Variants in SAMSN1 observed in about 807,000 individuals in gnomAD.
The protein encoded by SAMSN1 is SAM domain, SH3 domain and nuclear localization signals 1.
A neutral mutation model predicts 42.0 loss-of-function variants in SAMSN1; 31 were observed. The ratio of observed to expected loss-of-function variants is 0.74; its 90% CI spans 0.55 to 1.00. SAMSN1 has a LOEUF of 1.00. Among genes scored for constraint, SAMSN1 ranks in the 50% least tolerant of loss-of-function variants. The probability of loss-of-function intolerance (pLI) is 0.00; values close to 1 mark genes in which losing one functional copy is unlikely to be tolerated. For missense variants in SAMSN1, 464 were observed against 439.4 expected (o/e 1.06, Z -0.50); for synonymous variants, 178 against 151.9 (o/e 1.17, Z -1.26).
intron 1 of SAMSN1, among the ~76,000 whole-genome samples, chr21:14,534,299 C>A (rs575971361): frequency 6.6e-6 from 1 of 152,270 alleles, no homozygotes; most frequent in Non-Finnish European, 1.5e-5. Flanking sequence ...CACACGGAAT[C>A]TGAAAGTCAG....
At chr21:14,628,624 C>G (rs939525602) in intron 2 of SAMSN1, among the ~76,000 whole-genome samples, 6 of 152,034 alleles carry the variant, frequency 3.9e-5, no homozygotes, top group African/African-American at 1.4e-4. Flanking sequence ...TACCTGATTG[C>G]AAATGAATGG....
At chr21:14,567,962 CAG>C (rs2123212668) in intron 2 of SAMSN1, among the ~76,000 whole-genome samples, 1 of 152,126 alleles carries the variant, frequency 6.6e-6, no homozygotes, top group South Asian at 2.1e-4. Flanking sequence ...ACTGAAAAAT[CAG>C]AGAATAAAAA....
At chr21:14,547,292 T>G (rs1568803323), upstream of SAMSN1, among the ~76,000 whole-genome samples, 1 of 152,172 alleles carries the variant, frequency 6.6e-6, no homozygotes, top group Admixed American at 6.5e-5. Flanking sequence ...TACTGATAAT[T>G]GCTGCCCTGG....
At chr21:14,521,689 G>C (rs1394670978) in intron 1 of SAMSN1, among the ~76,000 whole-genome samples, 2 of 152,022 alleles carry the variant, frequency 1.3e-5, no homozygotes, top group Middle Eastern at 3.2e-3. Context: ...GATCAAGTTT[G>C]TTCACACGCT....
At chr21:14,653,356 G>T (rs758988433) in intron 1 of SAMSN1, among the ~76,000 whole-genome samples, 14 of 151,990 alleles carry the variant, frequency 9.2e-5, no homozygotes, top group Admixed American at 2.6e-4. Flanking sequence ...AACATAATTA[G>T]AACTGGAGAT....
intron 2 of SAMSN1, among the ~76,000 whole-genome samples, chr21:14,620,726 C>T (rs537489907): frequency 6.6e-6 from 1 of 152,036 alleles, no homozygotes; most frequent in Non-Finnish European, 1.5e-5. Flanking sequence ...ATGAGTTAAC[C>T]TATATAAAAT....
At chr21:14,599,938 T>C (rs1433587814) in intron 6 of SAMSN1, among the ~76,000 whole-genome samples, 1 of 152,184 alleles carries the variant, frequency 6.6e-6, no homozygotes, top group African/African-American at 2.4e-5. Context: ...ACCAACTCTC[T>C]TGAATTCAAG....
At chr21:14,636,253 G>T (rs1048428393) in intron 2 of SAMSN1, among the ~76,000 whole-genome samples, 2 of 152,144 alleles carry the variant, frequency 1.3e-5, no homozygotes, top group African/African-American at 4.8e-5. Flanking sequence ...TTTAGCACAT[G>T]TATTATAAGG....
intron 7 of SAMSN1, among the ~76,000 whole-genome samples, chr21:14,487,170 G>T (rs1986472481): frequency 6.6e-6 from 1 of 152,132 alleles, no homozygotes; most frequent in Non-Finnish European, 1.5e-5. Flanking sequence ...CACATTTAAG[G>T]TTGGGACAAG....
intron 2 of SAMSN1, among the ~76,000 whole-genome samples, chr21:14,518,704 C>T (rs1010692000): frequency 2.4e-4 from 36 of 152,172 alleles, no homozygotes; most frequent in African/African-American, 8.2e-4. Flanking sequence ...CCCCAAATTG[C>T]CTATGATAAA....
At chr21:14,531,461 C>A (rs1362078841) in intron 1 of SAMSN1, among the ~76,000 whole-genome samples, 1 of 151,538 alleles carries the variant, frequency 6.6e-6, no homozygotes, top group Non-Finnish European at 1.5e-5. Context: ...CTTTCAGGAT[C>A]TTAGATGTAA....
At chr21:14,622,240 TC>T (rs1433916186) in intron 2 of SAMSN1, among the ~76,000 whole-genome samples, 3 of 152,190 alleles carry the variant, frequency 2.0e-5, no homozygotes, top group African/African-American at 7.2e-5. Context: ...GGAATGCAGC[TC>T]CTCGCCAGCA....
At chr21:14,569,895 A>G (rs1974155) in intron 2 of SAMSN1, among the ~76,000 whole-genome samples, 97,792 of 152,028 alleles carry the variant, frequency 0.64, 33,978 homozygotes, top group African/African-American at 0.91. Flanking sequence ...TCTTGCAGAT[A>G]GTAGGCCTAA....
chr21:14,579,786 C>T (rs1425952112), intron 2 of SAMSN1, among the ~76,000 whole-genome samples: 2 of 151,504 alleles, frequency 1.3e-5, no homozygotes, highest in African/African-American at 2.4e-5. Flanking sequence ...CTGGCCACTT[C>T]TTCAGATATT....
At chr21:14,649,629 G>C (rs975576026) in intron 1 of SAMSN1, among the ~76,000 whole-genome samples, 11 of 151,928 alleles carry the variant, frequency 7.2e-5, no homozygotes, top group Admixed American at 6.6e-4. Flanking sequence ...AATTAGCCAG[G>C]TGTGATGGCA....
intron 1 of SAMSN1, among the ~76,000 whole-genome samples, chr21:14,538,705 A>C (rs543503858): frequency 1.3e-5 from 2 of 152,298 alleles, no homozygotes; most frequent in Non-Finnish European, 2.9e-5. Flanking sequence ...GTGCAGTGAA[A>C]ACAGCTCATA....
chr21:14,509,134 A>G (rs1472528632), intron 5 of SAMSN1, among the ~76,000 whole-genome samples: 1 of 151,344 alleles, frequency 6.6e-6, no homozygotes, highest in African/African-American at 2.4e-5. Flanking sequence ...AAACAAAAGA[A>G]AAGAAAAAAG....
At position 14,527,420 on chromosome 21, in the gene SAMSN1, A is replaced by C. The variant is rs545544955; in HGVS notation, c.58-6199T>G. Among the ~76,000 whole-genome samples, 26 of 152,340 alleles carry C rather than the reference A, an allele frequency of 1.7e-4. No homozygotes were observed. In the South Asian group the frequency reaches 4.1e-3, roughly 24 times the overall value. ...GGGTGTCAGGAAACTGACGGCTAAAAGACAACTAGAGCTGTAAAGCCTCGT... is the reference window on the plus strand; with the variant it reads ...GGGTGTCAGGAAACTGACGGCTAAACGACAACTAGAGCTGTAAAGCCTCGT... On this transcript the variant is annotated intron_variant, in intron 1 of 7. Coordinates refer to ENST00000400566, the MANE Select transcript of SAMSN1 (RefSeq NM_022136.5).
chr21:14,621,723 G>A (rs1271760512), intron 2 of SAMSN1, among the ~76,000 whole-genome samples: 1 of 152,242 alleles, frequency 6.6e-6, no homozygotes, highest in Non-Finnish European at 1.5e-5. Context: ...ACAAAAGGCA[G>A]CAGAAACCTC....
Sources: gnomAD v4.1 joint callset for allele counts (sites outside exome capture counted in the v4.1 genomes callset) on GRCh38, gnomAD v4.1.1 for gene constraint, MANE v1.5 for transcripts, NCBI Gene and HGNC (gene_info 2026-07-23, HGNC 2026-07-21) for gene names.